The following MUC12 variants were observed in gnomAD, a reference collection of about 807,000 sequenced individuals.
The protein encoded by MUC12 is mucin-12.
MUC12 carries 172 observed loss-of-function variants against 230.8 expected under a neutral mutation model. The observed-to-expected ratio is 0.75, with a 90% confidence interval of 0.66 to 0.85. The LOEUF is 0.85. MUC12 is among the 40% of genes least tolerant of loss of function. The pLI is 0.00. For synonymous variants in MUC12, 1,259 were observed against 2,401.9 expected, an observed-to-expected ratio of 0.52 and a Z score of 13.91; for missense variants, 3,506 against 5,920.6, an observed-to-expected ratio of 0.59 and a Z score of 13.38.
At chr7:101,016,337 CACTCTGTCACCCAGGCTGGAGT>C (rs1432330981) in intron 10 of MUC12, among the ~76,000 whole-genome samples, 1 of 151,944 alleles carries the variant, frequency 6.6e-6, no homozygotes, top group Non-Finnish European at 1.5e-5. Flanking sequence ...GACAGAGTCT[CACTCTGTCACCCAGGCTGGAGT>C]ACAGTGGCAC....
intron 9 of MUC12, 144 bp downstream of exon 9, chr7:101,014,218 C>T: frequency 1.1e-6 from 1 of 951,092 alleles, no homozygotes; most frequent in Non-Finnish European, 1.5e-6. Context: ...CCCAGACCCT[C>T]CCAGCCCTGG....
chr7:100,978,593 C>T (rs1793064575), intron 1 of MUC12, among the ~76,000 whole-genome samples: 1 of 152,112 alleles, frequency 6.6e-6, no homozygotes, highest in Admixed American at 6.6e-5. Context: ...TGGGGGCTCC[C>T]CACACTGCCA....
rs1445107139 is a variant in MUC12 at position 100,992,070 on chromosome 7, C to G, written c.1507C>G (p.Pro503Ala). 6 of 1,537,180 alleles carry G rather than the reference C, an allele frequency of 3.9e-6. No individual in the cohort carries two copies. Among genetic ancestry groups the G allele is most frequent in the Non-Finnish European group, 5.2e-6 (6 of 1,146,704 alleles). ...CACTTTCTACAGTAGCCCCAGATCA[C>G]CAGACACAACACACTTACCTGCCAG... ...STTFYSSPRS[P>A]DTTHLPASMT... Residue 503 changes from proline to alanine, a missense_variant, in exon 2 of 12, where the codon CCA (proline) becomes GCA (alanine). Transcript: ENST00000536621.
rs1167068504 is a variant in MUC12, at chr7:100,991,664, A to C, written c.1101A>C (p.Ser367=). ...CAGCCTACCACAGGAGCCCGGGCTCAACTCAAACAATGCACTTCCCTGAAA... is the reference window on the plus strand; with the variant it reads ...CAGCCTACCACAGGAGCCCGGGCTCCACTCAAACAATGCACTTCCCTGAAA... ...ESTAYHRSPG[S]TQTMHFPESS... is the part of the protein sequence containing the mutation. The change falls in exon 2 of 12, where the codon TCA becomes TCC. Residue 367 remains serine, a synonymous_variant. Coordinates refer to ENST00000536621, the MANE Select transcript of MUC12 (RefSeq NM_001164462.2). The C allele has an allele frequency of 6.5e-7, 1 of 1,537,418 alleles. No homozygotes were observed. Among genetic ancestry groups the C allele is most frequent in the Non-Finnish European group, 8.7e-7 (1 of 1,146,712 alleles).
rs1230301711 is a variant in MUC12, at chr7:101,003,496, C to G, written c.12933C>G (p.His4311Gln). The change falls in exon 2 of 12, where the codon CAC becomes CAG. Residue 4311 changes from histidine to glutamine, a missense_variant. Physicochemically the swap from His to Gln is conservative, Grantham distance 24 (BLOSUM62 0). Transcript: ENST00000536621. Reference sequence around the variant, plus strand: ...TCCACAGCAGCACTGGATCGCCACACACAACACTGTCCCCTGCCGGCTCTA... The same window carrying G: ...TCCACAGCAGCACTGGATCGCCACAGACAACACTGTCCCCTGCCGGCTCTA... ...TPVHSSTGSP[H>Q]TTLSPAGSTT... 3.3e-6 allele frequency: 5 copies of G among 1,525,056 alleles called. No homozygotes were observed. The East Asian group carries it at 1.2e-4, about 37-fold the overall frequency. 94.5% of individuals were successfully genotyped at this position (1,525,056 alleles called of 1,614,324 possible).
At chr7:100,981,107 G>A (rs1213156469) in intron 1 of MUC12, among the ~76,000 whole-genome samples, 2 of 152,146 alleles carry the variant, frequency 1.3e-5, no homozygotes, top group East Asian at 3.8e-4. Flanking sequence ...GCTGTGTTTT[G>A]GATTTCTTTG....
chr7:101,018,751 G>A lies in MUC12; in HGVS notation c.*115G>A, dbSNP rs1416950912. On this transcript the variant is annotated 3_prime_UTR_variant, in exon 12 of 12. Coordinates refer to ENST00000536621, the MANE Select transcript of MUC12 (RefSeq NM_001164462.2). ...GAGACCGAAGTCAGGCCCTGAAGCC[G>A]GTCCTGCTCTGAGCTGACAGACTTG... is the stretch of plus-strand genomic sequence containing the variant. 1.3e-5 allele frequency: 14 copies of A among 1,097,798 alleles called. No homozygotes were observed. The highest frequency in any genetic ancestry group is 2.0e-4 in the Middle Eastern group (1 of 4,898). 68.0% of individuals were successfully genotyped at this position (1,097,798 alleles called of 1,614,324 possible). A position where few individuals can be genotyped will look rare whatever the true frequency, so the allele number is the denominator to read the frequency against.
Position 101,004,631 on chromosome 7 carries a change from C to G in MUC12, c.14068C>G (p.Pro4690Ala), listed in dbSNP as rs1207810645. The change falls in exon 2 of 12, where the codon CCA becomes GCA. Residue 4690 changes from proline to alanine, a missense_variant. Physicochemically the swap from Pro to Ala is conservative, Grantham distance 27. Coordinates refer to ENST00000536621, the MANE Select transcript of MUC12 (RefSeq NM_001164462.2). Reference sequence around the variant, plus strand: ...GGAATCAACAGCATCCCACAGCAGCCCAGATACAAATGGAATCACACCCTT... The same window carrying G: ...GGAATCAACAGCATCCCACAGCAGCGCAGATACAAATGGAATCACACCCTT... ...SEESTASHSS[P>A]DTNGITPLPA... is the part of the protein sequence containing the mutation. 4.6e-6 allele frequency: 7 copies of G among 1,537,272 alleles called. No individual in the cohort carries two copies. Among genetic ancestry groups the G allele is most frequent in the South Asian group, 2.4e-5 (2 of 84,052 alleles).
At position 100,991,627 on chromosome 7, in the gene MUC12, T is replaced by C. The variant is rs1303769747; in HGVS notation, c.1064T>C (p.Val355Ala). Residue 355 changes from valine to alanine, a missense_variant, in exon 2 of 12, where the codon GTT becomes GCT. Coordinates refer to ENST00000536621, the MANE Select transcript of MUC12 (RefSeq NM_001164462.2). Reference protein sequence around the residue: ...PPARSATSGHVEESTAYHRSP... With the variant: ...PPARSATSGHAEESTAYHRSP... ...GCCCGCTCCGCGACCTCAGGCCATG[T>C]TGAAGAATCTACAGCCTACCACAGG... The C allele has an allele frequency of 1.3e-6, 2 of 1,536,324 alleles. No individual in the cohort carries two copies. Among genetic ancestry groups the C allele is most frequent in the Admixed American group, 2.0e-5 (1 of 50,920 alleles).
rs372827138 is a variant in MUC12 at position 101,015,749 on chromosome 7, C to T, written c.15877+58C>T. ...AGCTGGAGGGTGAAGAAAGGCAGGG[C>T]GGTGCCTGTGCCTGTGGGGGTGACG... On this transcript the variant is annotated intron_variant, in intron 10 of 11. Coordinates refer to ENST00000536621, the MANE Select transcript of MUC12 (RefSeq NM_001164462.2). 1.5e-4 allele frequency: 223 copies of T among 1,456,674 alleles called. 4 individuals carry two copies. The highest frequency in any genetic ancestry group is 1.4e-3 in the African/African-American group (102 of 71,496). The allele number at this position is 1,456,674 out of a possible 1,614,324, so 90.2% of individuals were successfully genotyped here.
rs1162075039 is a variant in MUC12, at chr7:100,993,529, G to A, written c.2966G>A (p.Gly989Glu). The change falls in exon 2 of 12, where the codon GGA becomes GAA. Residue 989 changes from glycine (G) to glutamate (E), a missense_variant. Gly to Glu is a moderately conservative substitution (Grantham distance 98, BLOSUM62 -2). Coordinates refer to ENST00000536621, the MANE Select transcript of MUC12 (RefSeq NM_001164462.2). ...AGCTCCACAAGCCCTGGACTTCAGG[G>A]AGAATCTACTGCCTTCCAGACCCAC... ...PASSTSPGLQ[G>E]ESTAFQTHPA... 3.1e-5 allele frequency: 31 copies of A among 1,005,824 alleles called. 10 individuals are homozygous for A. The highest frequency in any genetic ancestry group is 4.1e-5 in the Non-Finnish European group (31 of 748,590). 62.3% of individuals were successfully genotyped at this position (1,005,824 alleles called of 1,614,324 possible). A position where few individuals can be genotyped will look rare whatever the true frequency, so the allele number is the denominator to read the frequency against.
In MUC12 at chr7:100,993,490, C is replaced by T. The variant is rs1428155692; in HGVS notation, c.2927C>T (p.Thr976Ile). The T allele has an allele frequency of 2.0e-6, 2 of 1,023,020 alleles. 1 individual carries two copies. The highest frequency in any genetic ancestry group is 4.9e-5 in the Admixed American group (2 of 40,652). The allele number at this position is 1,023,020 out of a possible 1,614,324, so 63.4% of individuals were successfully genotyped here. The change falls in exon 2 of 12, where the codon ACA becomes ATA. Residue 976 changes from threonine (T) to isoleucine (I), a missense_variant. Physicochemically the swap from Thr to Ile is moderately conservative, Grantham distance 89 (BLOSUM62 -1). Coordinates refer to ENST00000536621, the MANE Select transcript of MUC12 (RefSeq NM_001164462.2). ...AGCAGCACTGGCTCACCACGCACAA[C>T]ACTGTCCCCTGCCAGCTCCACAAGC... ...VHSSTGSPRT[T>I]LSPASSTSPG...
At chr7:100,989,947 C>G (rs1793253121) in intron 1 of MUC12, among the ~76,000 whole-genome samples, 1 of 152,212 alleles carries the variant, frequency 6.6e-6, no homozygotes, top group Admixed American at 6.5e-5. Context: ...CCCACCTCGG[C>G]CTCCCAAAGT....
At chr7:100,984,098 C>A (rs1793150169) in intron 1 of MUC12, among the ~76,000 whole-genome samples, 1 of 152,126 alleles carries the variant, frequency 6.6e-6, no homozygotes, top group Non-Finnish European at 1.5e-5. Context: ...TACCAGATGG[C>A]ACCATGCTCT....
Position 101,005,513 on chromosome 7 carries a change from G to A in MUC12, c.14950G>A (p.Ala4984Thr), listed in dbSNP as rs766928880. 7 of 1,536,330 alleles carry A rather than the reference G, an allele frequency of 4.6e-6. No individual in the cohort carries two copies. The South Asian group carries it at 8.3e-5, about 18-fold the overall frequency. The change falls in exon 2 of 12, where the codon GCA becomes ACA. Residue 4984 changes from alanine to threonine, a missense_variant. By Grantham distance (58) the Ala-to-Thr change is moderately conservative (BLOSUM62 0). Coordinates refer to ENST00000536621, the MANE Select transcript of MUC12 (RefSeq NM_001164462.2). ...GTCTACTGAAAGCCTGGAAACCTTA[G>A]CACCAGGTACTGCTCTTTCCATTTC... ...IVSTESLETL[A>T]PGLCQEGQIW... is the part of the protein sequence containing the mutation.
At chr7:101,016,278 G>A (rs532096990) in intron 10 of MUC12, among the ~76,000 whole-genome samples, 75 of 152,182 alleles carry the variant, frequency 4.9e-4, no homozygotes, top group South Asian at 8.3e-4. Flanking sequence ...AGGGCTTTGG[G>A]AATGGGGTGG....
chr7:100,978,937 G>A (rs771558583), intron 1 of MUC12, among the ~76,000 whole-genome samples: 2 of 152,154 alleles, frequency 1.3e-5, no homozygotes, highest in Non-Finnish European at 2.9e-5. Flanking sequence ...AGCCTCTCAA[G>A]TAGCTGGGAC....
Position 101,005,318 on chromosome 7 carries a change from C to T in MUC12, c.14755C>T (p.Pro4919Ser), listed in dbSNP as rs1562792158. ...HSSSDATGTT[P>S]LPARSTASDL... ...CAGCTCAGACGCAACTGGAACAACA[C>T]CCTTACCTGCCCGCTCCACAGCCTC... Residue 4919 changes from proline to serine, a missense_variant, in exon 2 of 12, where the codon CCC (proline) becomes TCC (serine). Physicochemically the swap from Pro to Ser is moderately conservative, Grantham distance 74. Coordinates refer to ENST00000536621, the MANE Select transcript of MUC12 (RefSeq NM_001164462.2). The T allele has an allele frequency of 6.5e-7, 1 of 1,537,922 alleles. No individual in the cohort carries two copies. Among genetic ancestry groups the T allele is most frequent in the African/African-American group, 1.4e-5 (1 of 73,170 alleles).
intron 2 of MUC12, 141 bp downstream of exon 2, chr7:101,005,660 T>C (rs780641629): frequency 2.8e-6 from 3 of 1,069,830 alleles, no homozygotes; most frequent in Non-Finnish European, 3.9e-6. Context: ...AGTTTCTGGG[T>C]TCGATACCAC....
Sources: gnomAD v4.1 joint callset for allele counts (sites outside exome capture counted in the v4.1 genomes callset) on GRCh38, gnomAD v4.1.1 for gene constraint, MANE v1.5 for transcripts, NCBI Gene and HGNC (gene_info 2026-07-23, HGNC 2026-07-21) for gene names.